JCAD: variants seen among roughly 807,000 people sequenced by gnomAD.
The protein encoded by JCAD is junctional cadherin 5-associated protein.
In JCAD, 40 loss-of-function variants were observed where a neutral mutation model predicts 98.0. The ratio of observed to expected loss-of-function variants is 0.41; its 90% confidence interval spans 0.32 to 0.53. JCAD has a LOEUF of 0.53. Among genes scored for constraint, JCAD ranks in the 20% least tolerant of loss-of-function variants. The pLI, the probability that JCAD is intolerant of heterozygous loss-of-function variation, is 0.31. For synonymous variants in JCAD, 691 were observed against 682.3 expected (o/e 1.01, Z -0.20); for missense variants, 1,705 against 1,738.1 (o/e 0.98, Z 0.34).
chr10:30,114,716 C>T (rs1025697322), intron 1 of JCAD, among the ~76,000 whole-genome samples: 6 of 151,508 alleles, frequency 4.0e-5, no homozygotes, highest in South Asian at 2.1e-4. Context: ...ACACATTTTG[C>T]GCTAGATTTA....
chr10:30,077,313 G>C (rs1837998984), intron 1 of JCAD, among the ~76,000 whole-genome samples: 1 of 152,156 alleles, frequency 6.6e-6, no homozygotes. Context: ...GTCTCGTGCT[G>C]TTGCCCAAGC....
chr10:30,023,816 T>G (rs1044300115), intron 3 of JCAD, among the ~76,000 whole-genome samples: 2 of 152,224 alleles, frequency 1.3e-5, no homozygotes, highest in African/African-American at 4.8e-5. Context: ...TGGGTGTTTT[T>G]AGATACCTAC....
intron 2 of JCAD, among the ~76,000 whole-genome samples, chr10:30,065,690 G>T (rs114540490): frequency 6.6e-6 from 1 of 151,872 alleles, no homozygotes; most frequent in Non-Finnish European, 1.5e-5. Flanking sequence ...CTGCGGAGAC[G>T]GGCTCTCCCT....
At chr10:30,020,986 C>T (rs192083543) in intron 3 of JCAD, among the ~76,000 whole-genome samples, 68 of 152,324 alleles carry the variant, frequency 4.5e-4, no homozygotes, top group Non-Finnish European at 7.2e-4. Flanking sequence ...CCAACACACA[C>T]ACCCTTCGAG....
At position 30,026,838 on chromosome 10, in the gene JCAD, G is replaced by C; in HGVS notation, c.3310C>G (p.Arg1104Gly). 6.2e-7 allele frequency: 1 copy of C among 1,613,982 alleles called. No individual in the cohort carries two copies. Among genetic ancestry groups the C allele is most frequent in the Non-Finnish European group, 8.5e-7 (1 of 1,180,020 alleles). The change falls in exon 3 of 4, where the codon CGG (arginine) becomes GGG (glycine). Residue 1104 changes from arginine (R) to glycine (G), a missense_variant. Physicochemically the swap from Arg to Gly is moderately radical, Grantham distance 125. Transcript: ENST00000375377. ...GCAGGCTGGTTCTGTCCCGCTCTCC[G>C]GATGCCCGGCAGGAGGGACTCCACC... Reference protein sequence around the residue: ...VAVESLLPGIRRAGQNQPAEP... With the variant: ...VAVESLLPGIGRAGQNQPAEP...
rs993895022 is a variant in JCAD, at chr10:30,033,072, C to T, written c.282-3206G>A. ...CAACGTTATAATTACCACTACTTCC[C>T]GCTTTTACAGATAAGAAAACTGAGG... On this transcript the variant is annotated intron_variant, in intron 2 of 3. Transcript: ENST00000375377. Among the ~76,000 whole-genome samples, 8 of 152,300 alleles carry T rather than the reference C, an allele frequency of 5.3e-5. No homozygotes were observed. In the East Asian group the frequency reaches 5.8e-4, roughly 11 times the overall value.
In JCAD at chr10:30,016,948, A is replaced by G. The variant is rs532180789; in HGVS notation, c.*935T>C. The G allele has an allele frequency of 6.6e-6, 1 of 152,324 alleles. No individual in the cohort carries two copies. The highest frequency in any genetic ancestry group is 2.4e-5 in the African/African-American group (1 of 41,578). 9.4% of individuals were successfully genotyped at this position (152,324 alleles called of 1,614,324 possible). ...TCAGTGGGTAAGGGACAGAGCTTTA[A>G]AGCAAAAGTGAACCCTCTTTGGGTT... On this transcript the variant is annotated 3_prime_UTR_variant, in exon 4 of 4. Coordinates refer to ENST00000375377, the MANE Select transcript of JCAD (RefSeq NM_020848.4).
intron 2 of JCAD, among the ~76,000 whole-genome samples, chr10:30,037,733 G>T (rs1837144582): frequency 6.6e-6 from 1 of 152,084 alleles, no homozygotes; most frequent in Admixed American, 6.5e-5. Context: ...GACATTTGAA[G>T]AAGGGGCACA....
chr10:30,039,266 T>C (rs1837190743), intron 2 of JCAD, among the ~76,000 whole-genome samples: 2 of 152,142 alleles, frequency 1.3e-5, no homozygotes. Context: ...CCTGAGGGTG[T>C]TGTCACAGGC....
intron 1 of JCAD, among the ~76,000 whole-genome samples, chr10:30,050,021 G>C (rs1837435997): frequency 6.6e-6 from 1 of 151,962 alleles, no homozygotes; most frequent in Admixed American, 6.6e-5. Context: ...TTATCCCAAG[G>C]GTAAAGAAAT....
intron 3 of JCAD, among the ~76,000 whole-genome samples, chr10:30,025,261 T>C (rs1014689288): frequency 2.6e-5 from 4 of 151,852 alleles, no homozygotes; most frequent in Admixed American, 2.6e-4. Context: ...TTCACGCCTG[T>C]AATCCTGGCA....
intron 2 of JCAD, among the ~76,000 whole-genome samples, chr10:30,036,869 C>G (rs1027576096): frequency 1.3e-5 from 2 of 152,252 alleles, no homozygotes; most frequent in Non-Finnish European, 2.9e-5. Context: ...GATCTGCAGT[C>G]TAGCAGATGC....
Position 30,017,871 on chromosome 10 carries a change from A to G in JCAD, c.*12T>C. 6.2e-7 allele frequency: 1 copy of G among 1,611,774 alleles called. No individual in the cohort carries two copies. Among genetic ancestry groups the G allele is most frequent in the Non-Finnish European group, 8.5e-7 (1 of 1,177,962 alleles). On this transcript the variant is annotated 3_prime_UTR_variant, in exon 4 of 4. Coordinates refer to ENST00000375377, the MANE Select transcript of JCAD (RefSeq NM_020848.4). ...CAATTCGCAACGGAATGCAAGCTCCACCGGCATTTCATCACACCCTCTCCA... is the reference window on the plus strand; with the variant it reads ...CAATTCGCAACGGAATGCAAGCTCCGCCGGCATTTCATCACACCCTCTCCA...
In JCAD at chr10:30,028,201, T is replaced by C. The variant is rs766415100; in HGVS notation, c.1947A>G (p.Lys649=). 6 of 1,614,056 alleles carry C rather than the reference T, an allele frequency of 3.7e-6. No homozygotes were observed. The East Asian group carries it at 8.9e-5, about 24-fold the overall frequency. Residue 649 remains lysine, a synonymous_variant, in exon 3 of 4, where the codon AAA becomes AAG. Transcript: ENST00000375377. ...CTTCTTCTGGTTCCCCTAGATCTTG[T>C]TTTTGGAACTCCGTTCTCCCACCCA... ...GSMGGRTEFQ[K]QDLGEPEEDR... is the part of the protein sequence containing the mutation.
chr10:30,092,051 AAAAAAAAAAAAAAATATATATATAT>A (rs1408422478), intron 1 of JCAD, among the ~76,000 whole-genome samples: 3 of 35,660 alleles, frequency 8.4e-5, no homozygotes, highest in African/African-American at 3.9e-4. Flanking sequence ...AAAAAAAAAA[AAAAAAAAAAAAAAATATATATATAT>A]ATATATATAT....
chr10:30,029,092 G>A lies in JCAD; in HGVS notation c.1056C>T (p.Asn352=). 6.2e-7 allele frequency: 1 copy of A among 1,614,188 alleles called. No homozygotes were observed. Among genetic ancestry groups the A allele is most frequent in the Non-Finnish European group, 8.5e-7 (1 of 1,180,034 alleles). ...PPPSYRSPPQ[N]IPNPYLEDTV... ...TGTCTTCCAAGTAGGGGTTTGGGAT[G>A]TTCTGCGGGGGCGATCTGTATGAGG... is the stretch of plus-strand genomic sequence containing the variant. The change falls in exon 3 of 4, where the codon AAC becomes AAT. Residue 352 remains asparagine, a synonymous_variant. Transcript: ENST00000375377.
At chr10:30,077,669 T>C (rs1471988782) in intron 1 of JCAD, among the ~76,000 whole-genome samples, 1 of 152,232 alleles carries the variant, frequency 6.6e-6, no homozygotes, top group African/African-American at 2.4e-5. Flanking sequence ...ACAAGTGGTA[T>C]CATATAATAT....
intron 1 of JCAD, among the ~76,000 whole-genome samples, chr10:30,090,336 G>A (rs1238667100): frequency 2.0e-5 from 3 of 152,202 alleles, no homozygotes; most frequent in Admixed American, 6.5e-5. Context: ...GAGGTCAGGA[G>A]TTTGAGGCCA....
In JCAD at chr10:30,026,610, C is replaced by T. The variant is rs200400480; in HGVS notation, c.3538G>A (p.Gly1180Arg). 6.2e-6 allele frequency: 10 copies of T among 1,613,738 alleles called. No individual in the cohort carries two copies. In the Admixed American group the frequency reaches 6.7e-5, roughly 11 times the overall value. The change falls in exon 3 of 4, where the codon GGG (glycine) becomes AGG (arginine). Residue 1180 changes from glycine to arginine, a missense_variant. By Grantham distance (125) the Gly-to-Arg change is moderately radical. Coordinates refer to ENST00000375377, the MANE Select transcript of JCAD (RefSeq NM_020848.4). Reference sequence around the variant, plus strand: ...ACAGGGTCTGTGCTGGTGACAACCCCGTCCACATCTGAGTGCTCAAAAGCC... The same window carrying T: ...ACAGGGTCTGTGCTGGTGACAACCCTGTCCACATCTGAGTGCTCAAAAGCC... ...PQAFEHSDVDGVVTSTDPVPE... is the reference protein window; with the variant it reads ...PQAFEHSDVDRVVTSTDPVPE...
Sources: gnomAD v4.1 joint callset for allele counts (sites outside exome capture counted in the v4.1 genomes callset) on GRCh38, gnomAD v4.1.1 for gene constraint, MANE v1.5 for transcripts, NCBI Gene and HGNC (gene_info 2026-07-23, HGNC 2026-07-21) for gene names.